PLEKHA1: variants seen among roughly 807,000 people sequenced by gnomAD.
PLEKHA1 encodes pleckstrin homology domain containing A1.
Under a neutral mutation model 52.0 loss-of-function variants are expected in PLEKHA1, and 34 were observed. The ratio of observed to expected loss-of-function variants is 0.65; its 90% CI spans 0.50 to 0.87. PLEKHA1 has a LOEUF of 0.87. PLEKHA1 is among the 40% of genes least tolerant of loss of function. The probability of loss-of-function intolerance (pLI) is 0.00; values close to 1 mark genes in which losing one functional copy is unlikely to be tolerated. For missense variants in PLEKHA1, 497 were observed against 504.2 expected (o/e 0.99, Z 0.14); for synonymous variants, 163 against 170.7 (o/e 0.95, Z 0.35).
intron 7 of PLEKHA1, among the ~76,000 whole-genome samples, chr10:122,416,365 G>A (rs928395604): frequency 1.3e-5 from 2 of 152,138 alleles, no homozygotes; most frequent in African/African-American, 4.8e-5. Flanking sequence ...AGGAGAAGGA[G>A]TGGTGCCTAG....
At chr10:122,397,388 T>C (rs1440985887) in intron 2 of PLEKHA1, among the ~76,000 whole-genome samples, 1 of 151,884 alleles carries the variant, frequency 6.6e-6, no homozygotes, top group East Asian at 1.9e-4. Context: ...CTGCATATGA[T>C]AAAGAGAAGC....
rs1018742697 is a variant in PLEKHA1 at position 122,401,406 on chromosome 10, T to C, written c.244+1018T>C. Among the ~76,000 whole-genome samples, 16 of 152,192 alleles carry C rather than the reference T, an allele frequency of 1.1e-4. No individual in the cohort carries two copies. In the East Asian group the frequency reaches 2.5e-3, roughly 24 times the overall value. The stretch of plus-strand genomic sequence containing the variant: ...AGTGTCTTTTGAACTACTGTACTTA[T>C]GTAAGGTCCTGAGTTAGGGTGGTGG... On this transcript the variant is annotated intron_variant, in intron 4 of 11. Coordinates refer to ENST00000368990, the MANE Select transcript of PLEKHA1 (RefSeq NM_001001974.4).
At chr10:122,434,426 A>C (rs1276728576), downstream of PLEKHA1, 1 of 151,782 alleles carries the variant, frequency 6.6e-6, no homozygotes, top group African/African-American at 2.4e-5. Context: ...CCTGTCTTCA[A>C]CTCTAGTTCT....
intron 1 of PLEKHA1, among the ~76,000 whole-genome samples, chr10:122,377,053 G>C (rs1406643193): frequency 1.3e-5 from 2 of 152,152 alleles, no homozygotes; most frequent in Non-Finnish European, 2.9e-5. Flanking sequence ...AAATCCCGAA[G>C]TTATTTTAAT....
At chr10:122,424,860 G>A (rs1369744176) in intron 9 of PLEKHA1, 36 bp from the exon 10 acceptor site, 4 of 1,548,930 alleles carry the variant, frequency 2.6e-6, no homozygotes, top group Admixed American at 1.7e-5. Context: ...TCAAACAACT[G>A]CTATTTAAGT....
Position 122,431,718 on chromosome 10 carries a change from A to G in PLEKHA1, c.*1780A>G, listed in dbSNP as rs998130431. Reference sequence around the variant, plus strand: ...ACTCAACTTTTTTATTCATAAGCTAATATTTTTTTAAAGTTACATTAAGAT... The same window carrying G: ...ACTCAACTTTTTTATTCATAAGCTAGTATTTTTTTAAAGTTACATTAAGAT... On this transcript the variant is annotated 3_prime_UTR_variant, in exon 12 of 12. Transcript: ENST00000368990. 1.3e-5 allele frequency: 2 copies of G among 152,620 alleles called. No individual in the cohort carries two copies. The highest frequency in any genetic ancestry group is 2.4e-5 in the African/African-American group (1 of 41,450). The allele number at this position is 152,620 out of a possible 1,614,324, so 9.5% of individuals were successfully genotyped here.
At chr10:122,418,148 T>G (rs1304851458) in intron 8 of PLEKHA1, 180 bp downstream of exon 8, 1 of 485,162 alleles carries the variant, frequency 2.1e-6, no homozygotes, top group Non-Finnish European at 3.6e-6. Context: ...AATACATTTT[T>G]AAGTAAAAAG....
At chr10:122,375,197 G>A (rs2096509831) in intron 1 of PLEKHA1, among the ~76,000 whole-genome samples, 1 of 152,006 alleles carries the variant, frequency 6.6e-6, no homozygotes, top group Non-Finnish European at 1.5e-5. Flanking sequence ...TCCGCCCCCC[G>A]AGAAATCCCG....
chr10:122,378,400 A>C, intron 1 of PLEKHA1, among the ~76,000 whole-genome samples: 2 of 137,110 alleles, frequency 1.5e-5, no homozygotes, highest in South Asian at 2.8e-4. Flanking sequence ...ACCCCCCATA[A>C]CATCATGGGT....
At chr10:122,401,492 G>A (rs1285993508) in intron 4 of PLEKHA1, among the ~76,000 whole-genome samples, 1 of 130,330 alleles carries the variant, frequency 7.7e-6, no homozygotes, top group South Asian at 2.5e-4. Flanking sequence ...TGGATATGGG[G>A]GAATTGGAGG....
At chr10:122,408,795 T>C (rs2097061317) in intron 5 of PLEKHA1, among the ~76,000 whole-genome samples, 1 of 152,196 alleles carries the variant, frequency 6.6e-6, no homozygotes, top group South Asian at 2.1e-4. Flanking sequence ...TGTTATATTT[T>C]CCTGTGAACA....
At chr10:122,408,762 A>G (rs1049706497) in intron 5 of PLEKHA1, among the ~76,000 whole-genome samples, 8 of 152,198 alleles carry the variant, frequency 5.3e-5, no homozygotes, top group Non-Finnish European at 8.8e-5. Context: ...ATTTAAGTGT[A>G]TTAAAGTGTG....
Position 122,424,981 on chromosome 10 carries a change from T to A in PLEKHA1, c.810+22T>A, listed in dbSNP as rs1438639837. Reference sequence around the variant, plus strand: ...GCAGGTAAGATGCTTATTTGGCAATTAATAGATCCTCCTAAAAAGAAATTA... The same window carrying A: ...GCAGGTAAGATGCTTATTTGGCAATAAATAGATCCTCCTAAAAAGAAATTA... On this transcript the variant is annotated intron_variant, in intron 10 of 11. Transcript: ENST00000368990. 11 of 1,574,398 alleles carry A rather than the reference T, an allele frequency of 7.0e-6. No individual in the cohort carries two copies. In the East Asian group the frequency reaches 2.3e-4, roughly 32 times the overall value.
intron 8 of PLEKHA1, 107 bp downstream of exon 8, chr10:122,418,075 A>G (rs1487254760): frequency 2.6e-6 from 2 of 772,168 alleles, no homozygotes; most frequent in African/African-American, 1.8e-5. Context: ...GAATAAGTCT[A>G]GTTTTTAGAG....
At chr10:122,417,996 A>G (rs1257811459) in intron 8 of PLEKHA1, 28 bp downstream of exon 8, 6 of 1,563,534 alleles carry the variant, frequency 3.8e-6, no homozygotes, top group African/African-American at 2.7e-5. Context: ...AAATGTTGCT[A>G]TAAGAATGTT....
rs1382817324 is a variant in PLEKHA1 at position 122,397,958 on chromosome 10, T to C, written c.182T>C (p.Leu61Pro). 2 of 1,609,040 alleles carry C rather than the reference T, an allele frequency of 1.2e-6. No individual in the cohort carries two copies. The highest frequency in any genetic ancestry group is 1.7e-6 in the Non-Finnish European group (2 of 1,176,296). The change falls in exon 3 of 12, where the codon CTT (leucine) becomes CCT (proline). Residue 61 changes from leucine (L) to proline (P), a missense_variant. Coordinates refer to ENST00000368990, the MANE Select transcript of PLEKHA1 (RefSeq NM_001001974.4). ...SGSSRVGAIK[L>P]TYISKVSDAT... is the part of the protein sequence containing the mutation. ...TCATCACGTGTTGGAGCCATTAAGC[T>C]TACCTACATTTCAAAGGTAGTCTTT...
chr10:122,379,288 A>G (rs10749466), intron 1 of PLEKHA1, among the ~76,000 whole-genome samples: 48,902 of 152,170 alleles, frequency 0.32, 8,339 homozygotes, highest in Non-Finnish European at 0.4. Flanking sequence ...CAATCCAGGT[A>G]CGCTGTGGTT....
chr10:122,424,173 T>G, intron 8 of PLEKHA1, 26 bp from the exon 9 acceptor site: 1 of 992,268 alleles, frequency 1.0e-6, no homozygotes, highest in East Asian at 3.8e-5. Context: ...ATGTAACTGT[T>G]TTTTTTTTTT....
At chr10:122,385,765 A>G (rs973730070) in intron 1 of PLEKHA1, among the ~76,000 whole-genome samples, 7 of 152,164 alleles carry the variant, frequency 4.6e-5, no homozygotes, top group Non-Finnish European at 8.8e-5. Context: ...GGCTTCTTTC[A>G]CATACCAAAA....
Sources: gnomAD v4.1 joint callset for allele counts (sites outside exome capture counted in the v4.1 genomes callset) on GRCh38, gnomAD v4.1.1 for gene constraint, MANE v1.5 for transcripts, NCBI Gene and HGNC (gene_info 2026-07-23, HGNC 2026-07-21) for gene names.